The following PREX2 variants were observed in gnomAD, a reference collection of about 807,000 sequenced individuals.
PREX2 encodes phosphatidylinositol-3,4,5-trisphosphate dependent Rac exchange factor 2.
PREX2 carries 107 observed loss-of-function variants against 203.2 expected under a neutral mutation model. The ratio of observed to expected loss-of-function variants is 0.53; its 90% CI spans 0.45 to 0.62. The LOEUF is 0.62. Ranked by LOEUF, PREX2 falls within the 20% of genes least tolerant of loss-of-function variation. PREX2 has a pLI of 0.00. For synonymous variants in PREX2, 672 were observed against 663.6 expected, an observed-to-expected ratio of 1.01 and a Z score of -0.19; for missense variants, 1,777 against 1,955.9, an observed-to-expected ratio of 0.91 and a Z score of 1.72.
chr8:68,181,058 T>A (rs1812075851), intron 35 of PREX2, among the ~76,000 whole-genome samples: 1 of 152,316 alleles, frequency 6.6e-6, no homozygotes, highest in East Asian at 1.9e-4. Context: ...TTAAATTATT[T>A]ACTTTTGATT....
rs1229184172 is a variant in PREX2 at position 68,233,600 on chromosome 8, A to G, written c.*2222A>G. Reference sequence around the variant, plus strand: ...GTAATAAAAATTGTAGCTAACACTTATTAAGGGATTACTACATGCCCAGTA... The same window carrying G: ...GTAATAAAAATTGTAGCTAACACTTGTTAAGGGATTACTACATGCCCAGTA... On this transcript the variant is annotated 3_prime_UTR_variant, in exon 40 of 40. Coordinates refer to ENST00000288368, the MANE Select transcript of PREX2 (RefSeq NM_024870.4). The G allele has an allele frequency of 6.6e-6, 1 of 152,224 alleles. No individual in the cohort carries two copies. The highest frequency in any genetic ancestry group is 1.5e-5 in the Non-Finnish European group (1 of 68,034). 9.4% of individuals were successfully genotyped at this position (152,224 alleles called of 1,614,324 possible). A position where few individuals can be genotyped will look rare whatever the true frequency, so the allele number is the denominator to read the frequency against.
chr8:68,109,416 G>A lies in PREX2; in HGVS notation c.2939G>A (p.Gly980Glu), dbSNP rs1563550072. Reference sequence around the variant, plus strand: ...CTAAGGAATGACTTTAATTCCTCAGGGAAACTGAGCCCTATGGTGTACATT... The same window carrying A: ...CTAAGGAATGACTTTAATTCCTCAGAGAAACTGAGCCCTATGGTGTACATT... ...HDKENKSSEQGKLSPMVYIQH... is the reference protein window; with the variant it reads ...HDKENKSSEQEKLSPMVYIQH... The change falls in exon 25 of 40, where the codon GGG becomes GAG. Residue 980 changes from glycine to glutamate, a missense_variant and splice_region_variant. Physicochemically the swap from Gly to Glu is moderately conservative, Grantham distance 98. Coordinates refer to ENST00000288368, the MANE Select transcript of PREX2 (RefSeq NM_024870.4). 5 of 1,610,404 alleles carry A rather than the reference G, an allele frequency of 3.1e-6. No homozygotes were observed. Among genetic ancestry groups the A allele is most frequent in the Non-Finnish European group, 4.2e-6 (5 of 1,178,290 alleles).
chr8:68,213,364 C>G (rs891232334), intron 37 of PREX2, among the ~76,000 whole-genome samples: 6 of 152,150 alleles, frequency 3.9e-5, no homozygotes, highest in Admixed American at 2.6e-4. Flanking sequence ...AAGGCCCCTC[C>G]CAGAACCTGG....
chr8:68,168,324 T>A (rs1450436581), intron 35 of PREX2, among the ~76,000 whole-genome samples: 4 of 152,212 alleles, frequency 2.6e-5, no homozygotes, highest in African/African-American at 9.6e-5. Flanking sequence ...TGTGGATCTT[T>A]TATTAAAAAA....
intron 8 of PREX2, among the ~76,000 whole-genome samples, chr8:68,047,257 A>G (rs919015971): frequency 6.6e-6 from 1 of 151,664 alleles, no homozygotes; most frequent in African/African-American, 2.4e-5. Flanking sequence ...TCAGGTTTTA[A>G]GTCTGCTATA....
intron 1 of PREX2, among the ~76,000 whole-genome samples, chr8:67,978,062 G>C (rs79907631): frequency 6.6e-6 from 1 of 152,126 alleles, no homozygotes. Flanking sequence ...GTCACAACCC[G>C]GGGCATGTGA....
chr8:68,176,023 A>G (rs1345166991), intron 35 of PREX2, among the ~76,000 whole-genome samples: 2 of 152,174 alleles, frequency 1.3e-5, no homozygotes, highest in Non-Finnish European at 2.9e-5. Context: ...GAAATCCCAG[A>G]ACTTTATGAG....
Position 68,055,842 on chromosome 8 carries a change from G to A in PREX2, c.1106G>A (p.Gly369Glu), listed in dbSNP as rs567279949. Reference sequence around the variant, plus strand: ...TCATTTTTGATAGGTTTAAAATTAGGAATGGAGCAAGATACCTGGGTCATG... The same window carrying A: ...TCATTTTTGATAGGTTTAAAATTAGAAATGGAGCAAGATACCTGGGTCATG... ...ERERRKGLKL[G>E]MEQDTWVMIS... is the part of the protein sequence containing the mutation. The change falls in exon 10 of 40, where the codon GGA becomes GAA. Residue 369 changes from glycine (G) to glutamate (E), a missense_variant. Transcript: ENST00000288368. The A allele has an allele frequency of 6.2e-7, 1 of 1,611,020 alleles. No homozygotes were observed. The highest frequency in any genetic ancestry group is 1.7e-5 in the Admixed American group (1 of 59,270).
intron 1 of PREX2, among the ~76,000 whole-genome samples, chr8:68,001,138 A>G (rs1001689801): frequency 6.6e-6 from 1 of 152,226 alleles, no homozygotes; most frequent in Non-Finnish European, 1.5e-5. Context: ...ACAGCCAAAG[A>G]AATTATCAGC....
chr8:68,026,579 T>G (rs1340586331), intron 4 of PREX2, among the ~76,000 whole-genome samples: 1 of 152,004 alleles, frequency 6.6e-6, no homozygotes, highest in Non-Finnish European at 1.5e-5. Flanking sequence ...GCTGCTTCAG[T>G]TTCACCCCAC....
At chr8:68,145,767 A>C (rs773996865) in intron 33 of PREX2, among the ~76,000 whole-genome samples, 1 of 152,112 alleles carries the variant, frequency 6.6e-6, no homozygotes, top group Non-Finnish European at 1.5e-5. Flanking sequence ...TGCTCAGGGA[A>C]TAGAGCTTGC....
chr8:68,052,173 A>G (rs1808543622), intron 8 of PREX2, among the ~76,000 whole-genome samples: 1 of 152,122 alleles, frequency 6.6e-6, no homozygotes, highest in Non-Finnish European at 1.5e-5. Flanking sequence ...CCTCCTCAAC[A>G]CTGGCCTTTG....
At chr8:68,005,748 C>T (rs1807077000) in intron 1 of PREX2, among the ~76,000 whole-genome samples, 1 of 152,180 alleles carries the variant, frequency 6.6e-6, no homozygotes. Context: ...ACCATCTGAA[C>T]TTGCTTTGTC....
rs1344496672 is a variant in PREX2 at position 68,199,026 on chromosome 8, T to A, written c.4604+6501T>A. On this transcript the variant is annotated intron_variant, in intron 37 of 39. Coordinates refer to ENST00000288368, the MANE Select transcript of PREX2 (RefSeq NM_024870.4). ...TTATGTTCGTGCTTTGTTACGAGGG[T>A]GAATCTATTCCAGGAAACAGGGTCC... Among the ~76,000 whole-genome samples, 10 of 152,016 alleles carry A rather than the reference T, an allele frequency of 6.6e-5. No homozygotes were observed. In the East Asian group the frequency reaches 1.9e-3, roughly 29 times the overall value.
intron 37 of PREX2, among the ~76,000 whole-genome samples, chr8:68,207,485 A>G (rs1204569954): frequency 6.6e-6 from 1 of 152,166 alleles, no homozygotes; most frequent in African/African-American, 2.4e-5. Flanking sequence ...TAAAATAAGT[A>G]TGTATTGAAT....
At chr8:68,109,329 TAA>T (rs887311745) in intron 24 of PREX2, 85 bp from the exon 25 acceptor site, 4 of 969,328 alleles carry the variant, frequency 4.1e-6, no homozygotes, top group Non-Finnish European at 4.6e-6. Context: ...ATCTGTCAAT[TAA>T]AAAATAAATG....
At chr8:67,965,507 A>ATG (rs371245321) in intron 1 of PREX2, among the ~76,000 whole-genome samples, 4,918 of 63,374 alleles carry the variant, frequency 0.078, 116 homozygotes, top group Non-Finnish European at 0.12. Context: ...GTATATATAT[A>ATG]TGTGTGTGTA....
chr8:68,038,584 C>T (rs919914749), intron 7 of PREX2, among the ~76,000 whole-genome samples: 75 of 152,214 alleles, frequency 4.9e-4, no homozygotes, highest in African/African-American at 1.8e-3. Context: ...ATCTCAGGCC[C>T]TGGAGGAGAG....
chr8:68,001,949 AG>A (rs1189523073), intron 1 of PREX2, among the ~76,000 whole-genome samples: 2 of 152,004 alleles, frequency 1.3e-5, no homozygotes, highest in Non-Finnish European at 2.9e-5. Flanking sequence ...TTGAGGGCGG[AG>A]GGTGGGAGGA....
Sources: gnomAD v4.1 joint callset for allele counts (sites outside exome capture counted in the v4.1 genomes callset) on GRCh38, gnomAD v4.1.1 for gene constraint, MANE v1.5 for transcripts, NCBI Gene and HGNC (gene_info 2026-07-23, HGNC 2026-07-21) for gene names.